The following CTCF variants were observed in gnomAD, a reference collection of about 807,000 sequenced individuals.
CTCF encodes the protein CCCTC-binding factor.
A neutral mutation model predicts 72.3 loss-of-function variants in CTCF; 7 were observed. That is an observed-to-expected ratio of 0.10 (90% confidence interval 0.06 to 0.18). The LOEUF is 0.18. Among genes scored for constraint, CTCF ranks in the 10% least tolerant of loss-of-function variants. The pLI is 1.00. For synonymous variants in CTCF, 374 were observed against 315.8 expected, an observed-to-expected ratio of 1.18 and a Z score of -1.95; for missense variants, 516 against 949.1, an observed-to-expected ratio of 0.54 and a Z score of 6.00.
At chr16:67,581,521 T>C (rs2051582224) in intron 2 of CTCF, among the ~76,000 whole-genome samples, 1 of 151,998 alleles carries the variant, frequency 6.6e-6, no homozygotes, top group African/African-American at 2.4e-5. Flanking sequence ...TTTATCTTTT[T>C]CAGACAGAGT....
At chr16:67,576,225 A>G (rs1567592683) in intron 2 of CTCF, among the ~76,000 whole-genome samples, 4 of 151,888 alleles carry the variant, frequency 2.6e-5, no homozygotes, top group Admixed American at 2.6e-4. Context: ...AATACCAAAA[A>G]GTTAATTATT....
chr16:67,572,282 T>C (rs1341469313), intron 2 of CTCF, among the ~76,000 whole-genome samples: 1 of 152,198 alleles, frequency 6.6e-6, no homozygotes, highest in Non-Finnish European at 1.5e-5. Context: ...ACTCCAAAAA[T>C]AACTTACGCC....
chr16:67,626,884 C>A, intron 8 of CTCF, 169 bp downstream of exon 8: 1 of 426,794 alleles, frequency 2.3e-6, no homozygotes, highest in Non-Finnish European at 4.0e-6. Flanking sequence ...TTGTGTCATC[C>A]CGGTGTCCAG....
intron 2 of CTCF, among the ~76,000 whole-genome samples, chr16:67,581,725 A>G (rs2051585320): frequency 6.6e-6 from 1 of 150,942 alleles, no homozygotes; most frequent in Admixed American, 6.6e-5. Flanking sequence ...CTGGTCTAGA[A>G]CTCCTGACCT....
At chr16:67,628,215 G>C (rs537207707) in intron 8 of CTCF, among the ~76,000 whole-genome samples, 155 bp from the exon 9 acceptor site, 1 of 152,310 alleles carries the variant, frequency 6.6e-6, no homozygotes, top group South Asian at 2.1e-4. Context: ...GCAAGACCCT[G>C]TCTCTAAATA....
At chr16:67,629,051 C>CAAA (rs75890530) in intron 9 of CTCF, among the ~76,000 whole-genome samples, 2 of 130,578 alleles carry the variant, frequency 1.5e-5, no homozygotes, top group Non-Finnish European at 1.7e-5. Flanking sequence ...GACTCCGTCT[C>CAAA]AAAAAAAAAA....
rs527862989 is a variant in CTCF, at chr16:67,609,385, C to T, written c.-9-1439C>T. Among the ~76,000 whole-genome samples, 3 of 152,158 alleles carry T rather than the reference C, an allele frequency of 2.0e-5. No individual in the cohort carries two copies. The East Asian group carries it at 5.8e-4, about 29-fold the overall frequency. ...GAAATTATATGTCCTTTACCAGTGT[C>T]TTCCCCACTACATGTGTAAGATTTA... On this transcript the variant is annotated intron_variant, in intron 2 of 11. Coordinates refer to ENST00000264010, the MANE Select transcript of CTCF (RefSeq NM_006565.4).
chr16:67,627,553 C>T (rs888805572), intron 8 of CTCF: 1 of 151,888 alleles, frequency 6.6e-6, no homozygotes, highest in Non-Finnish European at 1.5e-5. Context: ...AATCCCAGCA[C>T]TTTGGGAAGC....
chr16:67,583,804 T>C (rs2051623393), intron 2 of CTCF, among the ~76,000 whole-genome samples: 1 of 152,148 alleles, frequency 6.6e-6, no homozygotes, highest in African/African-American at 2.4e-5. Flanking sequence ...AAACATATCC[T>C]AATGGAGGGA....
At chr16:67,606,163 C>T (rs2142807019) in intron 2 of CTCF, among the ~76,000 whole-genome samples, 1 of 152,266 alleles carries the variant, frequency 6.6e-6, no homozygotes, top group Non-Finnish European at 1.5e-5. Flanking sequence ...ACCTGTCTTA[C>T]TACCCTCTCC....
At chr16:67,583,207 T>A (rs1305238402) in intron 2 of CTCF, among the ~76,000 whole-genome samples, 1 of 151,632 alleles carries the variant, frequency 6.6e-6, no homozygotes, top group African/African-American at 2.4e-5. Flanking sequence ...GCTGGTCTCT[T>A]AACTCCTGAC....
At chr16:67,571,956 A>G (rs1450766255) in intron 2 of CTCF, among the ~76,000 whole-genome samples, 1 of 152,206 alleles carries the variant, frequency 6.6e-6, no homozygotes, top group African/African-American at 2.4e-5. Flanking sequence ...TCTGGTTGTA[A>G]AAATTATCTC....
At chr16:67,575,750 TTATTGTATA>T (rs2051488231) in intron 2 of CTCF, among the ~76,000 whole-genome samples, 1 of 151,914 alleles carries the variant, frequency 6.6e-6, no homozygotes, top group South Asian at 2.1e-4. Flanking sequence ...GCCAAGTTGG[TTATTGTATA>T]TATTTTGCAT....
At chr16:67,590,633 G>A (rs955625012) in intron 2 of CTCF, among the ~76,000 whole-genome samples, 1 of 149,692 alleles carries the variant, frequency 6.7e-6, no homozygotes, top group Admixed American at 6.7e-5. Context: ...CACCGTGCCC[G>A]GCCCTAACTG....
intron 2 of CTCF, among the ~76,000 whole-genome samples, chr16:67,598,161 G>C (rs2051839372): frequency 6.6e-6 from 1 of 151,910 alleles, no homozygotes; most frequent in African/African-American, 2.4e-5. Context: ...AGTTTTTGTA[G>C]AGATGGTGTC....
chr16:67,590,506 T>TTTTTA (rs1404793369), intron 2 of CTCF, among the ~76,000 whole-genome samples: 1 of 151,990 alleles, frequency 6.6e-6, no homozygotes, highest in Non-Finnish European at 1.5e-5. Flanking sequence ...TAATTTTTTA[T>TTTTTA]TTTTATTTTT....
At chr16:67,565,005 CT>C (rs545098307) in intron 1 of CTCF, among the ~76,000 whole-genome samples, 228 of 144,394 alleles carry the variant, frequency 1.6e-3, no homozygotes, top group Middle Eastern at 3.7e-3. Context: ...TAACCCAGAC[CT>C]TTTTTTTTTT....
intron 2 of CTCF, among the ~76,000 whole-genome samples, chr16:67,594,752 A>C (rs966017344): frequency 6.6e-6 from 1 of 152,206 alleles, no homozygotes; most frequent in African/African-American, 2.4e-5. Context: ...AAAGTCAGTG[A>C]GAATTCCTGT....
At chr16:67,591,059 G>A (rs533797874) in intron 2 of CTCF, among the ~76,000 whole-genome samples, 62 of 151,604 alleles carry the variant, frequency 4.1e-4, no homozygotes, top group African/African-American at 1.4e-3. Context: ...TTGGGAGGCC[G>A]AGGCGGGCAG....
Sources: allele counts gnomAD v4.1 joint callset (sites outside exome capture counted in the v4.1 genomes callset), GRCh38; gene constraint gnomAD v4.1.1; transcripts MANE v1.5; gene names NCBI Gene and HGNC (gene_info 2026-07-23, HGNC 2026-07-21).